Variants in FGF14 observed in about 807,000 individuals in gnomAD.
FGF14 encodes the protein fibroblast growth factor 14.
A neutral mutation model predicts 25.5 loss-of-function variants in FGF14; 5 were observed. The observed-to-expected ratio is 0.20, with a 90% CI of 0.10 to 0.41. The LOEUF (loss-of-function observed/expected upper bound fraction) is 0.41, where lower values mean the gene tolerates loss of function less well. Ranked by LOEUF, FGF14 falls within the 10% of genes least tolerant of loss-of-function variation. The pLI is 1.00. For missense variants in FGF14, 222 were observed against 320.1 expected, an observed-to-expected ratio of 0.69 and a Z score of 2.34; for synonymous variants, 138 against 118.3, an observed-to-expected ratio of 1.17 and a Z score of -1.08.
At chr13:101,794,710 A>C (rs1230403000) in intron 3 of FGF14, among the ~76,000 whole-genome samples, 2 of 152,124 alleles carry the variant, frequency 1.3e-5, no homozygotes, top group African/African-American at 4.8e-5. Context: ...AATGTCTTTG[A>C]TTACAAAGCC....
At chr13:102,304,654 T>C (rs1156728104) in intron 1 of FGF14, among the ~76,000 whole-genome samples, 2 of 152,174 alleles carry the variant, frequency 1.3e-5, no homozygotes, top group African/African-American at 4.8e-5. Flanking sequence ...CTGGGCTATC[T>C]GCCTTGCACT....
At chr13:102,158,782 T>A (rs1191838914) in intron 1 of FGF14, among the ~76,000 whole-genome samples, 2 of 152,108 alleles carry the variant, frequency 1.3e-5, no homozygotes, top group African/African-American at 4.8e-5. Flanking sequence ...TCAGAGGGAA[T>A]AGACCAGGAA....
In FGF14 at chr13:102,112,886, T is replaced by C. The variant is rs549211897; in HGVS notation, c.209-237590A>G. 3.9e-5 allele frequency among the ~76,000 whole-genome samples: 6 copies of C among 152,322 alleles called. No individual in the cohort carries two copies. In the South Asian group the frequency reaches 1.2e-3, roughly 32 times the overall value. ...TCTCATGGCTCTCTCAAGACTGAAG[T>C]CTTCCAAGTTTGGGTTCAGTATTCC... On this transcript the variant is annotated intron_variant, in intron 1 of 4. Coordinates refer to the FGF14 transcript ENST00000376131.
At chr13:102,301,000 T>A (rs1296471557) in intron 1 of FGF14, among the ~76,000 whole-genome samples, 1 of 151,838 alleles carries the variant, frequency 6.6e-6, no homozygotes, top group Non-Finnish European at 1.5e-5. Flanking sequence ...TGATAATCAC[T>A]ATATAGAAAT....
intron 1 of FGF14, among the ~76,000 whole-genome samples, chr13:102,093,756 G>A (rs2044270242): frequency 1.3e-5 from 2 of 151,186 alleles, no homozygotes; most frequent in South Asian, 4.2e-4. Flanking sequence ...TACAGATTGA[G>A]GTCTGCAGCT....
chr13:101,873,499 C>A (rs1460199582), intron 2 of FGF14, among the ~76,000 whole-genome samples: 1 of 152,036 alleles, frequency 6.6e-6, no homozygotes, highest in Admixed American at 6.6e-5. Context: ...TTATGGGAAA[C>A]TAGTTATTAC....
At chr13:101,921,962 A>G (rs537755651) in intron 1 of FGF14, among the ~76,000 whole-genome samples, 103 of 152,296 alleles carry the variant, frequency 6.8e-4, no homozygotes, top group Non-Finnish European at 1.3e-3. Flanking sequence ...TAAAATTTCC[A>G]TGTACTTTCC....
At chr13:101,985,312 T>G (rs773079522) in intron 1 of FGF14, among the ~76,000 whole-genome samples, 13 of 152,204 alleles carry the variant, frequency 8.5e-5, no homozygotes, top group Non-Finnish European at 1.8e-4. Flanking sequence ...GTATGTGATT[T>G]CTATTTAGAA....
intron 1 of FGF14, among the ~76,000 whole-genome samples, chr13:102,025,596 T>A (rs9300708): frequency 0.51 from 77,588 of 151,696 alleles, 23,436 homozygotes; most frequent in African/African-American, 0.83. Flanking sequence ...TTCAGTAGAG[T>A]CAGGATTTCC....
intron 1 of FGF14, among the ~76,000 whole-genome samples, chr13:102,248,365 C>T (rs2051991903): frequency 6.6e-6 from 1 of 152,020 alleles, no homozygotes; most frequent in African/African-American, 2.4e-5. Flanking sequence ...TTAATGTATA[C>T]TTCTTTACCA....
chr13:101,912,349 A>G (rs1163504638), intron 1 of FGF14, among the ~76,000 whole-genome samples: 1 of 152,188 alleles, frequency 6.6e-6, no homozygotes, highest in Admixed American at 6.5e-5. Flanking sequence ...AGCCCCAAAA[A>G]AGTAAATCTC....
chr13:102,001,104 T>C (rs150331933), intron 1 of FGF14, among the ~76,000 whole-genome samples: 129 of 152,232 alleles, frequency 8.5e-4, no homozygotes, highest in Admixed American at 1.4e-3. Flanking sequence ...AGAAGGAAGA[T>C]CTAAAGTATT....
intron 1 of FGF14, among the ~76,000 whole-genome samples, chr13:102,271,756 T>C (rs763701111): frequency 6.6e-6 from 1 of 152,214 alleles, no homozygotes; most frequent in Non-Finnish European, 1.5e-5. Context: ...GTCTGTCTGA[T>C]GTGTGGTCAA....
intron 1 of FGF14, among the ~76,000 whole-genome samples, chr13:102,289,965 G>C (rs1825246555): frequency 6.6e-6 from 1 of 152,012 alleles, no homozygotes; most frequent in Admixed American, 6.6e-5. Context: ...GAACGTGGTA[G>C]CCTGAGAGGG....
intron 1 of FGF14, among the ~76,000 whole-genome samples, chr13:102,306,876 G>A (rs1214755324): frequency 6.6e-6 from 1 of 152,006 alleles, no homozygotes; most frequent in Non-Finnish European, 1.5e-5. Flanking sequence ...CTGCAAATAC[G>A]TCCACGTCCT....
At chr13:101,989,603 T>C (rs1280891542) in intron 1 of FGF14, among the ~76,000 whole-genome samples, 1 of 152,128 alleles carries the variant, frequency 6.6e-6, no homozygotes, top group Non-Finnish European at 1.5e-5. Flanking sequence ...CATAGAGCCA[T>C]GCATATATGT....
chr13:102,354,468 T>TA (rs1431069714), intron 1 of FGF14, among the ~76,000 whole-genome samples: 1 of 152,196 alleles, frequency 6.6e-6, no homozygotes, highest in Non-Finnish European at 1.5e-5. Flanking sequence ...GAAAGCCTCC[T>TA]ACCCACTGCA....
intron 3 of FGF14, among the ~76,000 whole-genome samples, chr13:101,781,936 T>C (rs2039515129): frequency 6.6e-6 from 1 of 152,228 alleles, no homozygotes; most frequent in Non-Finnish European, 1.5e-5. Flanking sequence ...CATTTTTCTC[T>C]GGCTCTCCTT....
At chr13:102,177,721 G>A (rs528254208) in intron 1 of FGF14, among the ~76,000 whole-genome samples, 9 of 151,534 alleles carry the variant, frequency 5.9e-5, no homozygotes, top group Non-Finnish European at 1.3e-4. Flanking sequence ...TTCATCCAAA[G>A]GGAAGTCTAT....
Sources: gnomAD v4.1 joint callset for allele counts (sites outside exome capture counted in the v4.1 genomes callset) on GRCh38, gnomAD v4.1.1 for gene constraint, MANE v1.5 for transcripts, NCBI Gene and HGNC (gene_info 2026-07-23, HGNC 2026-07-21) for gene names.